Variants in U2SURP observed in about 807,000 individuals in gnomAD.
U2SURP encodes the protein U2 snRNP associated SURP domain containing.
Under a neutral mutation model 144.9 loss-of-function variants are expected in U2SURP, and 9 were observed. That is an observed-to-expected ratio of 0.06 (90% CI 0.04 to 0.11). U2SURP has a LOEUF of 0.11. Ranked by LOEUF, U2SURP falls within the 10% of genes least tolerant of loss-of-function variation. The pLI is 1.00. For synonymous variants in U2SURP, 408 were observed against 396.8 expected (o/e 1.03, Z -0.33); for missense variants, 724 against 1,226.7 (o/e 0.59, Z 6.12).
In U2SURP at chr3:143,028,414, G is replaced by A. The variant is rs748552510; in HGVS notation, c.1446+8G>A. 6.2e-6 allele frequency: 10 copies of A among 1,612,302 alleles called. No individual in the cohort carries two copies. In the Admixed American group the frequency reaches 1.2e-4, roughly 19 times the overall value. On this transcript the variant is annotated splice_region_variant and intron_variant, in intron 15 of 27. Transcript: ENST00000473835. ...CTTTATTCTATTCTGCAGGCAAGTA[G>A]AATCAATTACTTTGTTAATTTTGAC...
At chr3:143,003,051 G>A (rs4683442) in intron 1 of U2SURP, among the ~76,000 whole-genome samples, 2 of 150,690 alleles carry the variant, frequency 1.3e-5, no homozygotes, top group African/African-American at 5.0e-5. Context: ...CACAATTTTT[G>A]TTTCTTCTCA....
intron 22 of U2SURP, among the ~76,000 whole-genome samples, 153 bp from the exon 23 acceptor site, chr3:143,038,741 T>A (rs942162671): frequency 4.6e-5 from 7 of 152,118 alleles, no homozygotes; most frequent in Non-Finnish European, 5.9e-5. Context: ...AGATTTGGCA[T>A]ATAGAAATAA....
chr3:143,046,300 TTTTTTTATTTTTA>T (rs1560202532), intron 24 of U2SURP, among the ~76,000 whole-genome samples: 1 of 143,694 alleles, frequency 7.0e-6, no homozygotes, highest in Non-Finnish European at 1.5e-5. Context: ...ATTTTTTATT[TTTTTTTATTTTTA>T]TTTTTTTATT....
chr3:143,005,947 AG>A (rs929485386), intron 1 of U2SURP, among the ~76,000 whole-genome samples: 7 of 152,192 alleles, frequency 4.6e-5, no homozygotes, highest in African/African-American at 1.7e-4. Context: ...ATTCTAGTAT[AG>A]GTGGTTTTAA....
At chr3:143,051,105 C>G in intron 25 of U2SURP, 56 bp downstream of exon 25, 1 of 1,061,896 alleles carries the variant, frequency 9.4e-7, no homozygotes, top group Non-Finnish European at 1.4e-6. Context: ...TATTTGACTT[C>G]CTAGAATACT....
chr3:143,009,103 G>A (rs1252787655), intron 1 of U2SURP, among the ~76,000 whole-genome samples: 1 of 152,144 alleles, frequency 6.6e-6, no homozygotes, highest in Admixed American at 6.5e-5. Context: ...TTTTGTAAGA[G>A]TAGTTATTTA....
chr3:143,026,435 G>C (rs890993185), intron 13 of U2SURP: 1 of 152,104 alleles, frequency 6.6e-6, no homozygotes, highest in African/African-American at 2.4e-5. Context: ...TTGATTGATA[G>C]TGTACAGGCA....
chr3:143,011,656 A>G (rs1037161172), intron 2 of U2SURP, among the ~76,000 whole-genome samples: 1 of 152,076 alleles, frequency 6.6e-6, no homozygotes, highest in Non-Finnish European at 1.5e-5. Context: ...CACTTAAAAA[A>G]CTAGCATAAT....
chr3:143,049,368 A>G (rs1028264123), intron 24 of U2SURP, among the ~76,000 whole-genome samples: 6 of 152,074 alleles, frequency 3.9e-5, no homozygotes, highest in Non-Finnish European at 8.8e-5. Flanking sequence ...AAGCAAATGA[A>G]GTCTTGTTTT....
At chr3:143,049,517 C>CA (rs765483430) in intron 24 of U2SURP, among the ~76,000 whole-genome samples, 1 of 152,080 alleles carries the variant, frequency 6.6e-6, no homozygotes, top group Non-Finnish European at 1.5e-5. Context: ...TTGAGTGGAA[C>CA]AATATTGAGC....
chr3:143,034,634 T>C (rs990644355), intron 18 of U2SURP: 121 of 279,984 alleles, frequency 4.3e-4, no homozygotes, highest in African/African-American at 2.1e-3. Context: ...CAGCATATCC[T>C]AGATATAACG....
In U2SURP at chr3:143,059,719, T is replaced by G. The variant is rs1018684145; in HGVS notation, c.*3269T>G. The G allele has an allele frequency of 6.6e-6, 1 of 151,206 alleles. No homozygotes were observed. Among genetic ancestry groups the G allele is most frequent in the Non-Finnish European group, 1.5e-5 (1 of 67,354 alleles). The allele number at this position is 151,206 out of a possible 1,614,324, so 9.4% of individuals were successfully genotyped here. On this transcript the variant is annotated 3_prime_UTR_variant, in exon 28 of 28. Coordinates refer to ENST00000473835, the MANE Select transcript of U2SURP (RefSeq NM_001080415.2). The stretch of plus-strand genomic sequence containing the variant: ...AGACTGTACAGTTTACAAATAAGGT[T>G]TTTTTCTTTGTTGTTTTCCTCTTCT...
chr3:143,055,238 CAA>C, intron 27 of U2SURP, 119 bp downstream of exon 27: 1 of 860,944 alleles, frequency 1.2e-6, no homozygotes, highest in Admixed American at 3.3e-5. Flanking sequence ...TTTAGAAAAC[CAA>C]AGAGATACAC....
At chr3:143,009,227 A>C (rs932178004) in intron 1 of U2SURP, among the ~76,000 whole-genome samples, 9 of 152,168 alleles carry the variant, frequency 5.9e-5, no homozygotes, top group Admixed American at 3.3e-4. Context: ...TACCACCTTG[A>C]CATTTAAGAA....
chr3:143,012,668 A>T (rs1936179662), intron 3 of U2SURP, among the ~76,000 whole-genome samples: 3 of 152,174 alleles, frequency 2.0e-5, no homozygotes, highest in Admixed American at 1.3e-4. Context: ...AGTGCGAAAT[A>T]CCAGTTACTG....
At chr3:143,034,374 A>G (rs773512159) in intron 18 of U2SURP, among the ~76,000 whole-genome samples, 2 of 151,742 alleles carry the variant, frequency 1.3e-5, no homozygotes, top group Non-Finnish European at 2.9e-5. Flanking sequence ...ATTGTCCTCT[A>G]GCTTGGGTGA....
At chr3:143,035,235 A>G (rs560220954) in intron 19 of U2SURP, among the ~76,000 whole-genome samples, 1 of 152,208 alleles carries the variant, frequency 6.6e-6, no homozygotes, top group African/African-American at 2.4e-5. Context: ...TAAAACATAC[A>G]GAAGAATCAC....
chr3:143,021,816 T>C (rs1936648867), intron 10 of U2SURP, among the ~76,000 whole-genome samples: 2 of 152,192 alleles, frequency 1.3e-5, no homozygotes, highest in African/African-American at 4.8e-5. Flanking sequence ...CATTGATGAA[T>C]AATATTATTT....
rs1413610756 is a variant in U2SURP, at chr3:143,059,392, T to G, written c.*2942T>G. On this transcript the variant is annotated 3_prime_UTR_variant, in exon 28 of 28. Transcript: ENST00000473835. ...GAGGGAATACTTGCTTATTTATGAC[T>G]TAGGTATTTCCCCCCAAACTTTAAT... 2.0e-5 allele frequency: 3 copies of G among 152,326 alleles called. No homozygotes were observed. In the East Asian group the frequency reaches 5.8e-4, roughly 29 times the overall value. The allele number at this position is 152,326 out of a possible 1,614,324, so 9.4% of individuals were successfully genotyped here. A position where few individuals can be genotyped will look rare whatever the true frequency, so the allele number is the denominator to read the frequency against.
Sources: allele counts gnomAD v4.1 joint callset (sites outside exome capture counted in the v4.1 genomes callset), GRCh38; gene constraint gnomAD v4.1.1; transcripts MANE v1.5; gene names NCBI Gene and HGNC (gene_info 2026-07-23, HGNC 2026-07-21).